Variants in TSPEAR observed in about 807,000 individuals in gnomAD.
TSPEAR encodes thrombospondin-type laminin G domain and EAR repeat-containing protein.
In TSPEAR, 69 loss-of-function variants were observed where a neutral mutation model predicts 71.6. That is an observed-to-expected ratio of 0.96 (90% CI 0.79 to 1.18). TSPEAR has a LOEUF of 1.18. Among genes scored for constraint, TSPEAR ranks in the 50% most tolerant of loss-of-function variants. The probability of loss-of-function intolerance (pLI) is 0.00; values close to 1 mark genes in which losing one functional copy is unlikely to be tolerated. For missense variants in TSPEAR, 971 were observed against 894.9 expected (o/e 1.09, Z -1.09); for synonymous variants, 402 against 387.2 (o/e 1.04, Z -0.45).
chr21:44,557,536 T>G (rs1555920024), intron 2 of TSPEAR, among the ~76,000 whole-genome samples: 2 of 151,652 alleles, frequency 1.3e-5, no homozygotes. Flanking sequence ...GGGGAGGAGC[T>G]GAGCCCAGGG....
intron 1 of TSPEAR, among the ~76,000 whole-genome samples, chr21:44,588,491 A>G (rs1341303803): frequency 6.6e-6 from 1 of 152,104 alleles, no homozygotes; most frequent in Non-Finnish European, 1.5e-5. Context: ...AACTAAAAGT[A>G]GATCCACCAT....
At chr21:44,592,465 G>T (rs782119622) in intron 1 of TSPEAR, 8 of 1,611,172 alleles carry the variant, frequency 5.0e-6, no homozygotes, top group Non-Finnish European at 6.8e-6. Flanking sequence ...GGAGCAGACG[G>T]ACATGGTGGA....
chr21:44,554,601 G>T (rs2053496574), intron 2 of TSPEAR, among the ~76,000 whole-genome samples: 1 of 152,200 alleles, frequency 6.6e-6, no homozygotes, highest in South Asian at 2.1e-4. Context: ...CATCCTAATT[G>T]AATGGCAGTG....
At chr21:44,592,492 T>C in intron 1 of TSPEAR, 1 of 1,602,906 alleles carries the variant, frequency 6.2e-7, no homozygotes, top group Non-Finnish European at 8.5e-7. Flanking sequence ...CATGCTGGGG[T>C]TGAACTGGTG....
At chr21:44,538,431 CCCCCCA>C (rs79040437) in intron 2 of TSPEAR, among the ~76,000 whole-genome samples, 4 of 129,398 alleles carry the variant, frequency 3.1e-5, no homozygotes, top group African/African-American at 1.3e-4. Flanking sequence ...TGCCCCCCCC[CCCCCCA>C]AGAGGAGAAC....
chr21:44,537,963 G>A (rs372953686), intron 2 of TSPEAR, among the ~76,000 whole-genome samples: 23 of 152,306 alleles, frequency 1.5e-4, no homozygotes, highest in Middle Eastern at 3.4e-3. Flanking sequence ...GGGGTCACGC[G>A]GGGTCCCCCA....
chr21:44,595,990 A>G (rs1601463574), intron 1 of TSPEAR, among the ~76,000 whole-genome samples: 2 of 152,288 alleles, frequency 1.3e-5, no homozygotes, highest in East Asian at 3.9e-4. Context: ...AATAACACAC[A>G]TTTATCATCT....
At chr21:44,670,937 T>G (rs1555945808) in intron 1 of TSPEAR, among the ~76,000 whole-genome samples, 1 of 152,194 alleles carries the variant, frequency 6.6e-6, no homozygotes, top group African/African-American at 2.4e-5. Context: ...TGAACTTGCA[T>G]GTACCCTGAG....
chr21:44,563,026 G>C (rs974945052), intron 2 of TSPEAR, among the ~76,000 whole-genome samples: 2 of 152,040 alleles, frequency 1.3e-5, no homozygotes, highest in African/African-American at 4.8e-5. Flanking sequence ...ATATAAAAAG[G>C]TATATTTGGT....
intron 1 of TSPEAR, among the ~76,000 whole-genome samples, chr21:44,570,727 A>C (rs1048114482): frequency 6.6e-6 from 1 of 152,256 alleles, no homozygotes; most frequent in Admixed American, 6.5e-5. Flanking sequence ...TGAAAACAAA[A>C]GGAAAATAGA....
chr21:44,511,794 G>C (rs1555912740), intron 9 of TSPEAR, among the ~76,000 whole-genome samples: 1 of 152,268 alleles, frequency 6.6e-6, no homozygotes, highest in Non-Finnish European at 1.5e-5. Flanking sequence ...TCCCTCTCAG[G>C]GAAAGGCCCG....
Position 44,658,427 on chromosome 21 carries a change from C to T in TSPEAR, c.82+53006G>A, listed in dbSNP as rs587593685. 152 of 618,786 alleles carry T rather than the reference C, an allele frequency of 2.5e-4. No individual in the cohort carries two copies. In the African/African-American group the frequency reaches 5.1e-3, roughly 21 times the overall value. 38.3% of individuals were successfully genotyped at this position (618,786 alleles called of 1,614,324 possible). On this transcript the variant is annotated intron_variant, in intron 1 of 11. Coordinates refer to ENST00000323084, the MANE Select transcript of TSPEAR (RefSeq NM_144991.3). Reference sequence around the variant, plus strand: ...ACGTGGAAAAATGATTCAGACCTTCCATGACCCTGGGAACCCCCTCAAGGA... The same window carrying T: ...ACGTGGAAAAATGATTCAGACCTTCTATGACCCTGGGAACCCCCTCAAGGA...
rs781920640 is a variant in TSPEAR, at chr21:44,525,754, T to A, written c.1235A>T (p.Lys412Met). 11 of 1,614,160 alleles carry A rather than the reference T, an allele frequency of 6.8e-6. No homozygotes were observed. In the East Asian group the frequency reaches 2.5e-4, roughly 36 times the overall value. The change falls in exon 8 of 12, where the codon AAG becomes ATG. Residue 412 changes from lysine (K) to methionine (M), a missense_variant. Transcript: ENST00000323084. ...GGCAATGCTCTGATATGGGGTAAACTTCAGCTTTCTGTGGCTCCATTTGTA... is the reference window on the plus strand; with the variant it reads ...GGCAATGCTCTGATATGGGGTAAACATCAGCTTTCTGTGGCTCCATTTGTA... ...VIYKWSHRKL[K>M]FTPYQSIATH...
At chr21:44,532,320 C>T (rs1331136135) in intron 3 of TSPEAR, among the ~76,000 whole-genome samples, 1 of 152,268 alleles carries the variant, frequency 6.6e-6, no homozygotes, top group Non-Finnish European at 1.5e-5. Flanking sequence ...GCTGCCGCCA[C>T]GTCATTCCTA....
intron 2 of TSPEAR, among the ~76,000 whole-genome samples, chr21:44,544,025 C>CA (rs1297683807): frequency 6.6e-6 from 1 of 152,170 alleles, no homozygotes; most frequent in Non-Finnish European, 1.5e-5. Flanking sequence ...GGTTTAAACT[C>CA]AAACGTATCA....
chr21:44,513,986 G>C (rs2052476956), intron 9 of TSPEAR, among the ~76,000 whole-genome samples: 1 of 152,118 alleles, frequency 6.6e-6, no homozygotes, highest in African/African-American at 2.4e-5. Context: ...GCCAACTCTT[G>C]GGTGCCCCCC....
intron 1 of TSPEAR, among the ~76,000 whole-genome samples, chr21:44,683,744 C>G (rs1249552018): frequency 6.6e-6 from 1 of 152,048 alleles, no homozygotes; most frequent in East Asian, 1.9e-4. Flanking sequence ...CTGATATGGT[C>G]TAGATATTGG....
At chr21:44,677,801 A>G in intron 1 of TSPEAR, 1 of 1,286,696 alleles carries the variant, frequency 7.8e-7, no homozygotes, top group East Asian at 2.3e-5. Flanking sequence ...ATGGAACATT[A>G]TAAGGTGCAG....
chr21:44,527,168 G>T lies in TSPEAR; in HGVS notation c.1149+124C>A, dbSNP rs188009659. ...TGTGCGACTCTGTCAGCCTTTTACC[G>T]CCTGAACGAGGTGACACCGTGAGAA... On this transcript the variant is annotated intron_variant, in intron 7 of 11. Transcript: ENST00000323084. 3,348 of 881,460 alleles carry T rather than the reference G, an allele frequency of 3.8e-3. 19 individuals carry two copies. Among genetic ancestry groups the T allele is most frequent in the Middle Eastern group, 0.029 (99 of 3,430 alleles). The allele number at this position is 881,460 out of a possible 1,614,324, so 54.6% of individuals were successfully genotyped here.
Sources: gnomAD v4.1 joint callset for allele counts (sites outside exome capture counted in the v4.1 genomes callset) on GRCh38, gnomAD v4.1.1 for gene constraint, MANE v1.5 for transcripts, NCBI Gene and HGNC (gene_info 2026-07-23, HGNC 2026-07-21) for gene names.